The following EHBP1 variants were observed in gnomAD, a reference collection of about 807,000 sequenced individuals.
The protein encoded by EHBP1 is EH domain-binding protein 1.
EHBP1 carries 55 observed loss-of-function variants against 144.0 expected under a neutral mutation model. The observed-to-expected ratio is 0.38, with a 90% CI of 0.31 to 0.48. The LOEUF (loss-of-function observed/expected upper bound fraction) is 0.48. Ranked by LOEUF, EHBP1 falls within the 20% of genes least tolerant of loss-of-function variation. The pLI, the probability that EHBP1 is intolerant of heterozygous loss-of-function variation, is 0.98. For synonymous variants in EHBP1, 469 were observed against 472.7 expected, an observed-to-expected ratio of 0.99 and a Z score of 0.10; for missense variants, 1,200 against 1,364.2, an observed-to-expected ratio of 0.88 and a Z score of 1.90.
At chr2:62,822,212 C>G (rs1257276625) in intron 5 of EHBP1, among the ~76,000 whole-genome samples, 2 of 152,050 alleles carry the variant, frequency 1.3e-5, no homozygotes, top group African/African-American at 4.8e-5. Flanking sequence ...CCCCTTTATG[C>G]TCATGTACAG....
intron 7 of EHBP1, among the ~76,000 whole-genome samples, chr2:62,840,490 G>A (rs2047726915): frequency 1.3e-5 from 2 of 148,844 alleles, no homozygotes; most frequent in Non-Finnish European, 3.0e-5. Flanking sequence ...TTGACAAATG[G>A]GATCTAATTA....
Position 62,948,420 on chromosome 2 carries a change from A to G in EHBP1, c.1574A>G (p.Asn525Ser). ...CTAAATGTCGTTCAGATAGAGGAAA[A>G]CAGCAGTAAAAGCACATATAAAGTT... ...QELNVVQIEE[N>S]SSKSTYKVGN... The change falls in exon 13 of 23, where the codon AAC becomes AGC. Residue 525 changes from asparagine (N) to serine (S), a missense_variant. Asn to Ser is a conservative substitution (Grantham distance 46). Transcript: ENST00000431489. The G allele has an allele frequency of 6.2e-7, 1 of 1,613,982 alleles. No homozygotes were observed.
chr2:62,839,294 C>T (rs1470368594), intron 7 of EHBP1, among the ~76,000 whole-genome samples: 1 of 151,156 alleles, frequency 6.6e-6, no homozygotes, highest in Non-Finnish European at 1.5e-5. Flanking sequence ...TTCAACAACC[C>T]TTCATGCTAA....
intron 8 of EHBP1, among the ~76,000 whole-genome samples, chr2:62,863,557 T>C (rs1280701430): frequency 6.6e-6 from 1 of 152,184 alleles, no homozygotes. Flanking sequence ...GCTTTCACCT[T>C]GAAGATTCTT....
At chr2:62,985,245 G>A (rs1315306705) in intron 15 of EHBP1, among the ~76,000 whole-genome samples, 1 of 152,032 alleles carries the variant, frequency 6.6e-6, no homozygotes, top group African/African-American at 2.4e-5. Context: ...ATGGTGTCAC[G>A]TGCATAGGGC....
At chr2:62,691,304 T>C (rs950297477) in intron 1 of EHBP1, among the ~76,000 whole-genome samples, 1 of 152,226 alleles carries the variant, frequency 6.6e-6, no homozygotes, top group African/African-American at 2.4e-5. Flanking sequence ...TTCTTCCAGC[T>C]TGATACTTTG....
chr2:62,993,590 C>T lies in EHBP1; in HGVS notation c.2794C>T (p.Pro932Ser), dbSNP rs1299192365. 6.2e-7 allele frequency: 1 copy of T among 1,609,480 alleles called. No individual in the cohort carries two copies. The highest frequency in any genetic ancestry group is 1.7e-5 in the Admixed American group (1 of 59,802). The change falls in exon 17 of 23, where the codon CCT (proline) becomes TCT (serine). Residue 932 changes from proline to serine, a missense_variant. By Grantham distance (74) the Pro-to-Ser change is moderately conservative. Transcript: ENST00000431489. Reference sequence around the variant, plus strand: ...AAAAACAACAGAACGTTTTAGAAATCCTGTTGTGTTCAGCAAAGATTCTAC... The same window carrying T: ...AAAAACAACAGAACGTTTTAGAAATTCTGTTGTGTTCAGCAAAGATTCTAC... ...LQKTTERFRN[P>S]VVFSKDSTVR...
At chr2:63,037,444 A>G in intron 19 of EHBP1, 91 bp from the exon 20 acceptor site, 1 of 802,920 alleles carries the variant, frequency 1.2e-6, no homozygotes, top group Non-Finnish European at 2.0e-6. Context: ...AATAAGTAAA[A>G]TGTTTTCTAT....
At chr2:62,789,411 A>T (rs180906537) in intron 5 of EHBP1, among the ~76,000 whole-genome samples, 1 of 152,144 alleles carries the variant, frequency 6.6e-6, no homozygotes, top group African/African-American at 2.4e-5. Flanking sequence ...TGAGTGTTTT[A>T]AAAATGTGAC....
chr2:62,961,476 T>G (rs1007384695), intron 14 of EHBP1, among the ~76,000 whole-genome samples: 1 of 152,190 alleles, frequency 6.6e-6, no homozygotes, highest in Admixed American at 6.5e-5. Context: ...ATGAAGATTT[T>G]CAAAGGTTGA....
At chr2:62,837,389 C>T (rs1164278371) in intron 7 of EHBP1, among the ~76,000 whole-genome samples, 8 of 148,828 alleles carry the variant, frequency 5.4e-5, no homozygotes, top group African/African-American at 1.7e-4. Context: ...AAAATCATGC[C>T]AAAATGTAAA....
rs572725218 is a variant in EHBP1 at position 62,834,685 on chromosome 2, G to A, written c.634+3527G>A. Reference sequence around the variant, plus strand: ...TGATCTGGAACCAGACTAGCAATATGTCTGAGATTATACCTGTACAGTTGA... The same window carrying A: ...TGATCTGGAACCAGACTAGCAATATATCTGAGATTATACCTGTACAGTTGA... On this transcript the variant is annotated intron_variant, in intron 7 of 22. Transcript: ENST00000431489. Among the ~76,000 whole-genome samples, 3 of 152,322 alleles carry A rather than the reference G, an allele frequency of 2.0e-5. No homozygotes were observed. The East Asian group carries it at 5.8e-4, about 29-fold the overall frequency.
chr2:62,938,184 C>CA (rs1416752501), intron 10 of EHBP1, among the ~76,000 whole-genome samples: 1 of 152,176 alleles, frequency 6.6e-6, no homozygotes, highest in East Asian at 1.9e-4. Flanking sequence ...GTTTTGAACA[C>CA]ATTGAGTTTG....
Position 62,780,337 on chromosome 2 carries a change from G to A in EHBP1, c.312+8945G>A, listed in dbSNP as rs920072616. ...ATCCTGTCAACTTTCTGTTGTATAT[G>A]ATTATGGGAATGATGACTGGCTGTC... On this transcript the variant is annotated intron_variant, in intron 5 of 22. Coordinates refer to ENST00000431489, the MANE Select transcript of EHBP1 (RefSeq NM_001142616.3). 5.3e-5 allele frequency among the ~76,000 whole-genome samples: 8 copies of A among 152,162 alleles called. No homozygotes were observed. The Middle Eastern group carries it at 0.01, about 194-fold the overall frequency.
At chr2:62,757,968 C>T (rs1000603158) in intron 3 of EHBP1, among the ~76,000 whole-genome samples, 4 of 150,822 alleles carry the variant, frequency 2.7e-5, no homozygotes, top group Middle Eastern at 3.4e-3. Flanking sequence ...GCCCAGATAG[C>T]GCCACTGCGC....
intron 7 of EHBP1, among the ~76,000 whole-genome samples, chr2:62,847,495 A>G (rs2048374145): frequency 6.6e-6 from 1 of 152,200 alleles, no homozygotes; most frequent in South Asian, 2.1e-4. Flanking sequence ...GAAAAATTTG[A>G]TAGATTAAAC....
At chr2:62,891,158 CA>C (rs34477729) in intron 10 of EHBP1, among the ~76,000 whole-genome samples, 14,004 of 65,968 alleles carry the variant, frequency 0.21, 760 homozygotes, top group East Asian at 0.36. Flanking sequence ...GCCTGGGCGA[CA>C]AAAAAAAAAA....
At chr2:62,883,621 G>A (rs1431626923) in intron 10 of EHBP1, among the ~76,000 whole-genome samples, 2 of 152,176 alleles carry the variant, frequency 1.3e-5, no homozygotes, top group African/African-American at 4.8e-5. Flanking sequence ...GAGGCTGGAA[G>A]ATTGCTTGAG....
intron 10 of EHBP1, among the ~76,000 whole-genome samples, chr2:62,887,208 C>T (rs1338468862): frequency 2.0e-5 from 3 of 152,110 alleles, no homozygotes; most frequent in Admixed American, 6.6e-5. Flanking sequence ...AAAATAGCCA[C>T]GCCAACCTCC....
Sources: gnomAD v4.1 joint callset for allele counts (sites outside exome capture counted in the v4.1 genomes callset) on GRCh38, gnomAD v4.1.1 for gene constraint, MANE v1.5 for transcripts, NCBI Gene and HGNC (gene_info 2026-07-23, HGNC 2026-07-21) for gene names.